SCFD2: variants seen among roughly 807,000 people sequenced by gnomAD.
The protein encoded by SCFD2 is sec1 family domain-containing protein 2.
In SCFD2, 54 loss-of-function variants were observed where a neutral mutation model predicts 58.9. The observed-to-expected ratio is 0.92, with a 90% CI of 0.74 to 1.15. The LOEUF (loss-of-function observed/expected upper bound fraction) is 1.15, where lower values mean the gene tolerates loss of function less well. Among genes scored for constraint, SCFD2 ranks in the 50% most tolerant of loss-of-function variants. SCFD2 has a pLI of 0.00. For missense variants in SCFD2, 805 were observed against 836.6 expected, an observed-to-expected ratio of 0.96 and a Z score of 0.47; for synonymous variants, 321 against 335.9, an observed-to-expected ratio of 0.96 and a Z score of 0.49.
chr4:53,341,768 ACT>A (rs1733883777), intron 2 of SCFD2, among the ~76,000 whole-genome samples: 1 of 152,178 alleles, frequency 6.6e-6, no homozygotes, highest in Non-Finnish European at 1.5e-5. Context: ...CTCGGCAGAA[ACT>A]CTACAAGCCA....
At chr4:53,129,741 C>A (rs1294146017) in intron 5 of SCFD2, among the ~76,000 whole-genome samples, 1 of 152,204 alleles carries the variant, frequency 6.6e-6, no homozygotes, top group Non-Finnish European at 1.5e-5. Context: ...AAATTCAGCA[C>A]CAACATTGTC....
intron 5 of SCFD2, among the ~76,000 whole-genome samples, chr4:53,020,889 G>T (rs1447153310): frequency 6.6e-6 from 1 of 152,096 alleles, no homozygotes. Context: ...GGTGTGAAGG[G>T]TCTTAATGCT....
At chr4:53,364,914 T>C (rs1422429220) in intron 1 of SCFD2, among the ~76,000 whole-genome samples, 190 bp downstream of exon 1, 5 of 152,254 alleles carry the variant, frequency 3.3e-5, no homozygotes, top group East Asian at 3.8e-4. Flanking sequence ...GTTATTGTAA[T>C]TGCTAATTCA....
intron 4 of SCFD2, among the ~76,000 whole-genome samples, chr4:53,182,630 A>C (rs1371507718): frequency 6.6e-6 from 1 of 152,238 alleles, no homozygotes; most frequent in Non-Finnish European, 1.5e-5. Context: ...AAGCAATGGC[A>C]ACAAAAGCCA....
intron 3 of SCFD2, among the ~76,000 whole-genome samples, chr4:53,300,473 G>C (rs1264330899): frequency 6.6e-6 from 1 of 152,094 alleles, no homozygotes; most frequent in Non-Finnish European, 1.5e-5. Context: ...CCTACAAAGA[G>C]ACTTAGACTC....
intron 5 of SCFD2, among the ~76,000 whole-genome samples, chr4:53,047,425 A>T (rs1299558613): frequency 1.3e-5 from 2 of 152,128 alleles, no homozygotes; most frequent in Non-Finnish European, 2.9e-5. Context: ...TCCAGCCTGG[A>T]CAACAGAGTG....
chr4:53,057,140 G>A (rs969951071), intron 5 of SCFD2, among the ~76,000 whole-genome samples: 6 of 152,110 alleles, frequency 3.9e-5, no homozygotes, highest in South Asian at 4.1e-4. Context: ...AGCTGAGATC[G>A]CACCACTGCA....
At chr4:53,239,608 A>G (rs1409786623) in intron 4 of SCFD2, among the ~76,000 whole-genome samples, 1 of 152,052 alleles carries the variant, frequency 6.6e-6, no homozygotes. Flanking sequence ...CCTTAGCCTC[A>G]TGAGTAGCTG....
intron 4 of SCFD2, among the ~76,000 whole-genome samples, chr4:53,244,837 A>G (rs1730015218): frequency 6.6e-6 from 1 of 151,394 alleles, no homozygotes; most frequent in Non-Finnish European, 1.5e-5. Flanking sequence ...AAAAATAATA[A>G]TAATAATAAG....
chr4:53,356,702 G>C (rs1457358422), intron 1 of SCFD2, among the ~76,000 whole-genome samples: 1 of 151,356 alleles, frequency 6.6e-6, no homozygotes, highest in Admixed American at 6.6e-5. Context: ...TGGGGTTGCA[G>C]GTGTGAGTCA....
At position 52,873,437 on chromosome 4, in the gene SCFD2, C is replaced by A. The variant is rs141293168; in HGVS notation, c.*532G>T. ...GCTACCAGCACTGCCCCAGACACTACCCCTCCCTTCCTTGCCTTTTCAGAA... is the reference window on the plus strand; with the variant it reads ...GCTACCAGCACTGCCCCAGACACTAACCCTCCCTTCCTTGCCTTTTCAGAA... On this transcript the variant is annotated 3_prime_UTR_variant, in exon 9 of 9. Transcript: ENST00000401642. 0.012 allele frequency: 1,809 copies of A among 153,792 alleles called. 16 individuals carry two copies. Among genetic ancestry groups the A allele is most frequent in the South Asian group, 0.019 (94 of 4,876 alleles). The allele number at this position is 153,792 out of a possible 1,614,324, so 9.5% of individuals were successfully genotyped here. A position where few individuals can be genotyped will look rare whatever the true frequency, so the allele number is the denominator to read the frequency against.
chr4:52,875,384 T>C (rs1252499733), intron 8 of SCFD2, among the ~76,000 whole-genome samples: 1 of 152,112 alleles, frequency 6.6e-6, no homozygotes, highest in African/African-American at 2.4e-5. Flanking sequence ...GCACAAGCAG[T>C]ATTGTATGCA....
intron 7 of SCFD2, among the ~76,000 whole-genome samples, chr4:52,905,545 C>T (rs1050671887): frequency 1.9e-4 from 29 of 152,170 alleles, no homozygotes; most frequent in Admixed American, 9.2e-4. Flanking sequence ...TGGATCCTGA[C>T]AGCTGCTGGG....
chr4:53,286,944 G>A (rs1408520468), intron 3 of SCFD2, among the ~76,000 whole-genome samples: 1 of 152,110 alleles, frequency 6.6e-6, no homozygotes, highest in Non-Finnish European at 1.5e-5. Context: ...CTCTCCTAGT[G>A]CCTGGGAAGT....
chr4:53,027,708 G>C (rs987828354), intron 5 of SCFD2, among the ~76,000 whole-genome samples: 1 of 152,026 alleles, frequency 6.6e-6, no homozygotes, highest in Non-Finnish European at 1.5e-5. Context: ...CCCACCTGTA[G>C]TCCCAGCTAC....
chr4:52,974,373 A>G (rs1721195023), intron 5 of SCFD2, among the ~76,000 whole-genome samples: 1 of 152,208 alleles, frequency 6.6e-6, no homozygotes, highest in South Asian at 2.1e-4. Context: ...TTATACACCA[A>G]TAACAGACAA....
At chr4:52,978,738 A>G (rs1721307281) in intron 5 of SCFD2, among the ~76,000 whole-genome samples, 2 of 152,162 alleles carry the variant, frequency 1.3e-5, no homozygotes, top group East Asian at 3.8e-4. Context: ...GATCTTAGGT[A>G]AAATGTATGC....
At chr4:53,200,175 G>A (rs986637586) in intron 4 of SCFD2, among the ~76,000 whole-genome samples, 7 of 152,056 alleles carry the variant, frequency 4.6e-5, no homozygotes, top group African/African-American at 1.4e-4. Context: ...TAGCACTGAG[G>A]TCATTGGCCA....
chr4:53,140,015 G>T (rs375247779), intron 5 of SCFD2, among the ~76,000 whole-genome samples: 2 of 151,018 alleles, frequency 1.3e-5, no homozygotes, highest in South Asian at 4.2e-4. Context: ...CAGCATGCTC[G>T]TTAAGAGTCA....
Sources: gnomAD v4.1 joint callset for allele counts (sites outside exome capture counted in the v4.1 genomes callset) on GRCh38, gnomAD v4.1.1 for gene constraint, MANE v1.5 for transcripts, NCBI Gene and HGNC (gene_info 2026-07-23, HGNC 2026-07-21) for gene names.